The following TXNDC12 variants were observed in gnomAD, a reference collection of about 807,000 sequenced individuals.
TXNDC12 encodes the protein thioredoxin domain-containing protein 12.
TXNDC12 carries 22 observed loss-of-function variants against 24.2 expected under a neutral mutation model. The ratio of observed to expected loss-of-function variants is 0.91; its 90% CI spans 0.65 to 1.30. The LOEUF (loss-of-function observed/expected upper bound fraction) is 1.30. TXNDC12 is among the 50% of genes most tolerant of loss of function. The pLI, the probability that TXNDC12 is intolerant of heterozygous loss-of-function variation, is 0.00. For missense variants in TXNDC12, 184 were observed against 205.8 expected (o/e 0.89, Z 0.65); for synonymous variants, 58 against 73.4 (o/e 0.79, Z 1.07).
intron 1 of TXNDC12, among the ~76,000 whole-genome samples, chr1:52,047,957 G>A (rs1463937177): frequency 6.6e-6 from 1 of 151,662 alleles, no homozygotes; most frequent in East Asian, 1.9e-4. Flanking sequence ...ACTAATAAAG[G>A]AGATAAAATA....
At position 52,055,100 on chromosome 1, in the gene TXNDC12, A is replaced by T. The variant is rs373960290; in HGVS notation, c.-4T>A. The T allele has an allele frequency of 7.4e-5, 120 of 1,612,518 alleles. No individual in the cohort carries two copies. The highest frequency in any genetic ancestry group is 1.3e-5 in the African/African-American group (1 of 74,916). On this transcript the variant is annotated 5_prime_UTR_variant, in exon 1 of 7. Transcript: ENST00000371626. ...CGAGACGAGGCCGCGTCTCCATGGC[A>T]GTAGGTGCGCGGGGCCACGGGGCTG...
At chr1:52,021,045 A>C (rs745754395) in intron 6 of TXNDC12, 33 bp from the exon 7 acceptor site, 1 of 1,500,106 alleles carries the variant, frequency 6.7e-7, no homozygotes, top group East Asian at 2.3e-5. Flanking sequence ...AAAAAGTATG[A>C]AGTAAGTAAT....
chr1:52,034,828 A>G lies in TXNDC12; in HGVS notation c.159-6198T>C, dbSNP rs555712151. On this transcript the variant is annotated intron_variant, in intron 2 of 6. Coordinates refer to ENST00000371626, the MANE Select transcript of TXNDC12 (RefSeq NM_015913.4). ...ACCCAGCCTGGACCACAGTGGTATG[A>G]TCTCAGCTCCCTGCAACCTCCACCT... is the stretch of plus-strand genomic sequence containing the variant. Among the ~76,000 whole-genome samples, 3 of 152,070 alleles carry G rather than the reference A, an allele frequency of 2.0e-5. No individual in the cohort carries two copies. The South Asian group carries it at 6.2e-4, about 32-fold the overall frequency.
intron 1 of TXNDC12, among the ~76,000 whole-genome samples, chr1:52,053,775 A>G (rs1686266913): frequency 1.3e-5 from 2 of 152,230 alleles, no homozygotes; most frequent in African/African-American, 2.4e-5. Flanking sequence ...TTCATCACTG[A>G]GATGGAAACC....
At chr1:52,048,253 C>T (rs1327594048) in intron 1 of TXNDC12, among the ~76,000 whole-genome samples, 2 of 151,952 alleles carry the variant, frequency 1.3e-5, no homozygotes, top group Admixed American at 6.6e-5. Flanking sequence ...TCACTTGAGG[C>T]TAGAAGTTCG....
At chr1:52,032,990 G>A (rs1314883397) in intron 2 of TXNDC12, 2 of 1,566,208 alleles carry the variant, frequency 1.3e-6, no homozygotes, top group South Asian at 1.2e-5. Flanking sequence ...TGCGTAGACT[G>A]ATGGGGTGGT....
At position 52,020,971 on chromosome 1, in the gene TXNDC12, C is replaced by T; in HGVS notation, c.481G>A (p.Asp161Asn). 6.2e-7 allele frequency: 1 copy of T among 1,614,152 alleles called. No individual in the cohort carries two copies. Among genetic ancestry groups the T allele is most frequent in the Non-Finnish European group, 8.5e-7 (1 of 1,179,984 alleles). The change falls in exon 7 of 7, where the codon GAT becomes AAT. Residue 161 changes from aspartate to asparagine, a missense_variant. Asp to Asn is a conservative substitution (Grantham distance 23). Coordinates refer to ENST00000371626, the MANE Select transcript of TXNDC12 (RefSeq NM_015913.4). ...MKEAQERLTG[D>N]AFRKKHLEDE... ...TCAAGATGTTTCTTTCTGAAGGCATCACCCGTCAGCCTTTCCTGAGCTTCC... is the reference window on the plus strand; with the variant it reads ...TCAAGATGTTTCTTTCTGAAGGCATTACCCGTCAGCCTTTCCTGAGCTTCC...
chr1:52,024,123 T>C (rs1160376606), intron 5 of TXNDC12, among the ~76,000 whole-genome samples: 1 of 151,910 alleles, frequency 6.6e-6, no homozygotes, highest in Admixed American at 6.6e-5. Flanking sequence ...GCCTCCTAAA[T>C]AGCTGAGACT....
At chr1:52,044,929 C>T (rs1227797298) in intron 1 of TXNDC12, among the ~76,000 whole-genome samples, 1 of 151,028 alleles carries the variant, frequency 6.6e-6, no homozygotes, top group Non-Finnish European at 1.5e-5. Flanking sequence ...GAGTTGAGAT[C>T]ACGCCACCAC....
chr1:52,028,208 G>T lies in TXNDC12; in HGVS notation c.211+370C>A, dbSNP rs558841602. ...TAAAAGAAAAAGCCTGTCTGGGGAA[G>T]TGGCAAGGTGGTATAGCAGAAAGAA... On this transcript the variant is annotated intron_variant, in intron 3 of 6. Transcript: ENST00000371626. Among the ~76,000 whole-genome samples, 23 of 152,204 alleles carry T rather than the reference G, an allele frequency of 1.5e-4. No homozygotes were observed. In the South Asian group the frequency reaches 4.8e-3, roughly 32 times the overall value.
intron 2 of TXNDC12, among the ~76,000 whole-genome samples, chr1:52,037,499 C>G (rs986727727): frequency 6.6e-6 from 1 of 152,170 alleles, no homozygotes; most frequent in African/African-American, 2.4e-5. Flanking sequence ...GCATGAGCCA[C>G]TGGGCCCAGC....
chr1:52,054,950 G>A (rs1686302833), intron 1 of TXNDC12, 50 bp downstream of exon 1: 1 of 1,339,746 alleles, frequency 7.5e-7, no homozygotes, highest in Non-Finnish European at 1.1e-6. Flanking sequence ...GATTATACTG[G>A]GATCAGTATA....
intron 2 of TXNDC12, chr1:52,033,887 C>T: frequency 3.5e-6 from 5 of 1,434,864 alleles, no homozygotes; most frequent in Non-Finnish European, 2.7e-6. Flanking sequence ...CCTCTTGTTT[C>T]TATGGAAACA....
intron 2 of TXNDC12, among the ~76,000 whole-genome samples, chr1:52,030,207 A>C (rs1315815372): frequency 1.3e-5 from 2 of 152,016 alleles, no homozygotes; most frequent in South Asian, 2.1e-4. Context: ...CTGTCTCTAC[A>C]AAAAAATACA....
intron 1 of TXNDC12, among the ~76,000 whole-genome samples, chr1:52,044,786 C>G (rs528353114): frequency 5.4e-4 from 82 of 152,168 alleles, no homozygotes; most frequent in African/African-American, 1.8e-3. Flanking sequence ...CCATCCTGGG[C>G]AACATGGTGA....
At chr1:52,024,456 C>G in intron 5 of TXNDC12, 54 bp downstream of exon 5, 1 of 1,396,112 alleles carries the variant, frequency 7.2e-7, no homozygotes, top group Non-Finnish European at 1.0e-6. Flanking sequence ...TGCCTTGATT[C>G]ATTTCTCTCT....
Position 52,032,436 on chromosome 1 carries a change from T to C in TXNDC12, c.159-3806A>G, listed in dbSNP as rs1183259187. Reference sequence around the variant, plus strand: ...TAGCCCAAGTAGGATCCAATCTAGGTAATCCCTGTCCACCTTAGCTCTGTC... The same window carrying C: ...TAGCCCAAGTAGGATCCAATCTAGGCAATCCCTGTCCACCTTAGCTCTGTC... On this transcript the variant is annotated intron_variant, in intron 2 of 6. Coordinates refer to ENST00000371626, the MANE Select transcript of TXNDC12 (RefSeq NM_015913.4). 7.5e-5 allele frequency: 92 copies of C among 1,233,414 alleles called. 1 individual carries two copies. The East Asian group carries it at 3.1e-3, about 42-fold the overall frequency. 76.4% of individuals were successfully genotyped at this position (1,233,414 alleles called of 1,614,324 possible). A position where few individuals can be genotyped will look rare whatever the true frequency, so the allele number is the denominator to read the frequency against.
At chr1:52,054,958 A>G (rs1266163021) in intron 1 of TXNDC12, 42 bp downstream of exon 1, 1 of 1,416,798 alleles carries the variant, frequency 7.1e-7, no homozygotes, top group Non-Finnish European at 1.0e-6. Context: ...TGGGATCAGT[A>G]TAGTAAAGAT....
At chr1:52,050,595 A>G (rs915214759) in intron 1 of TXNDC12, among the ~76,000 whole-genome samples, 3 of 152,216 alleles carry the variant, frequency 2.0e-5, no homozygotes, top group Non-Finnish European at 4.4e-5. Context: ...AAGGTCAAGC[A>G]TCAGAGCTGG....
Sources: allele counts gnomAD v4.1 joint callset (sites outside exome capture counted in the v4.1 genomes callset), GRCh38; gene constraint gnomAD v4.1.1; transcripts MANE v1.5; gene names NCBI Gene and HGNC (gene_info 2026-07-23, HGNC 2026-07-21).